ARHGEF3: variants seen among roughly 807,000 people sequenced by gnomAD.
ARHGEF3 encodes Rho guanine nucleotide exchange factor 3.
Under a neutral mutation model 63.2 loss-of-function variants are expected in ARHGEF3, and 28 were observed. The observed-to-expected ratio is 0.44, with a 90% CI of 0.33 to 0.61. The LOEUF is 0.61. Among genes scored for constraint, ARHGEF3 ranks in the 20% least tolerant of loss-of-function variants. The probability of loss-of-function intolerance (pLI) is 0.03; values close to 1 mark genes in which losing one functional copy is unlikely to be tolerated. For synonymous variants in ARHGEF3, 266 were observed against 254.2 expected (o/e 1.05, Z -0.44); for missense variants, 533 against 659.3 (o/e 0.81, Z 2.10).
intron 1 of ARHGEF3, among the ~76,000 whole-genome samples, chr3:56,783,383 C>T (rs963823585): frequency 2.0e-5 from 3 of 152,012 alleles, no homozygotes; most frequent in Non-Finnish European, 2.9e-5. Flanking sequence ...GGATTTCTTC[C>T]GGTACACCCG....
intron 1 of ARHGEF3, among the ~76,000 whole-genome samples, chr3:56,800,913 C>T (rs150769814): frequency 1.3e-5 from 2 of 152,312 alleles, no homozygotes; most frequent in East Asian, 3.9e-4. Context: ...CCAGCTGAAC[C>T]CAACCTTTAA....
At chr3:56,740,375 G>C (rs948452839) in intron 7 of ARHGEF3, among the ~76,000 whole-genome samples, 1 of 151,930 alleles carries the variant, frequency 6.6e-6, no homozygotes, top group Non-Finnish European at 1.5e-5. Flanking sequence ...TCCTGTAAAA[G>C]TAATTTGAGT....
intron 1 of ARHGEF3, among the ~76,000 whole-genome samples, chr3:57,046,060 A>G (rs1377329512): frequency 6.6e-6 from 1 of 152,212 alleles, no homozygotes; most frequent in Non-Finnish European, 1.5e-5. Flanking sequence ...TAGAAGCCCA[A>G]TTCTAAATAA....
chr3:56,967,483 A>ATT (rs1700592355), intron 2 of ARHGEF3, among the ~76,000 whole-genome samples: 7 of 83,638 alleles, frequency 8.4e-5, no homozygotes, highest in South Asian at 3.8e-4. Flanking sequence ...TATATTATAT[A>ATT]ATATATTAAA....
intron 1 of ARHGEF3, chr3:57,073,641 G>A (rs932869756): frequency 2.4e-5 from 37 of 1,556,374 alleles, no homozygotes; most frequent in African/African-American, 6.8e-5. Context: ...GATTGGCTCC[G>A]GCCAAGTGCC....
intron 2 of ARHGEF3, among the ~76,000 whole-genome samples, chr3:56,765,640 C>T (rs1410670471): frequency 3.3e-5 from 5 of 152,112 alleles, no homozygotes; most frequent in Non-Finnish European, 5.9e-5. Flanking sequence ...CCTTCTGAAG[C>T]CTGAAACGCT....
rs185661789 is a variant in ARHGEF3, at chr3:56,843,363, G to A, written c.192+38929C>T. Among the ~76,000 whole-genome samples the A allele has an allele frequency of 6.6e-5, 10 of 152,044 alleles. No homozygotes were observed. The East Asian group carries it at 1.4e-3, about 21-fold the overall frequency. ...CAACCTCTGCATCCTGGGCTCAAACGATCCCCCTGCCTCAGCTCCCAGGTA... is the reference window on the plus strand; with the variant it reads ...CAACCTCTGCATCCTGGGCTCAAACAATCCCCCTGCCTCAGCTCCCAGGTA... On this transcript the variant is annotated intron_variant, in intron 4 of 12. Coordinates refer to the ARHGEF3 transcript ENST00000338458.
rs1481886154 is a variant in ARHGEF3 at position 56,732,313 on chromosome 3, G to T, written c.1153C>A (p.Leu385Met). 3 of 1,614,216 alleles carry T rather than the reference G, an allele frequency of 1.9e-6. No individual in the cohort carries two copies. The Admixed American group carries it at 5.0e-5, about 27-fold the overall frequency. ...TCTCCATCCTGGAGGTCTTCCAGCAGGAGGTCTTTCACGGGGATTGGCTGA... is the reference window on the plus strand; with the variant it reads ...TCTCCATCCTGGAGGTCTTCCAGCATGAGGTCTTTCACGGGGATTGGCTGA... ...YRQPIPVKDL[L>M]LEDLQDGEVR... The change falls in exon 9 of 10, where the codon CTG becomes ATG. Residue 385 changes from leucine (L) to methionine (M), a missense_variant. By Grantham distance (15) the Leu-to-Met change is conservative (BLOSUM62 2). Transcript: ENST00000296315.
intron 2 of ARHGEF3, among the ~76,000 whole-genome samples, chr3:56,772,234 C>T (rs995687193): frequency 2.0e-5 from 3 of 152,090 alleles, no homozygotes; most frequent in African/African-American, 7.2e-5. Context: ...AACAGAGGAA[C>T]GGGCAGGGCA....
In ARHGEF3 at chr3:56,782,004, C is replaced by T. The variant is rs182649299; in HGVS notation, c.97-8188G>A. Among the ~76,000 whole-genome samples the T allele has an allele frequency of 1.6e-3, 251 of 152,226 alleles. 5 individuals carry two copies. The highest frequency in any genetic ancestry group is 3.2e-4 in the Non-Finnish European group (22 of 68,020). ...GGCACATATGCAGCACTGAGGAGGC[C>T]TTCATAGAGCTGCCTGAGCAAAGGA... On this transcript the variant is annotated intron_variant, in intron 1 of 9. Transcript: ENST00000296315.
chr3:56,949,220 A>G (rs1699676721), intron 3 of ARHGEF3, among the ~76,000 whole-genome samples: 1 of 152,038 alleles, frequency 6.6e-6, no homozygotes, highest in Non-Finnish European at 1.5e-5. Context: ...AACTGGCACA[A>G]GACAGGGATG....
intron 3 of ARHGEF3, among the ~76,000 whole-genome samples, chr3:56,955,768 A>C (rs951365709): frequency 3.9e-5 from 6 of 152,218 alleles, no homozygotes; most frequent in Non-Finnish European, 8.8e-5. Flanking sequence ...TCATCCTGAC[A>C]TTCTGCATCC....
chr3:56,918,962 C>A (rs2042055720), intron 3 of ARHGEF3, among the ~76,000 whole-genome samples: 1 of 151,708 alleles, frequency 6.6e-6, no homozygotes, highest in Non-Finnish European at 1.5e-5. Context: ...TTTTTCTATC[C>A]CGATCCCATT....
At chr3:56,781,068 T>G (rs1422753790) in intron 1 of ARHGEF3, among the ~76,000 whole-genome samples, 1 of 152,148 alleles carries the variant, frequency 6.6e-6, no homozygotes, top group Non-Finnish European at 1.5e-5. Flanking sequence ...GAGGGAAATT[T>G]AGAGACACAC....
At chr3:56,881,979 C>T (rs2040779666) in intron 4 of ARHGEF3, among the ~76,000 whole-genome samples, 1 of 152,224 alleles carries the variant, frequency 6.6e-6, no homozygotes, top group Admixed American at 6.5e-5. Flanking sequence ...TCTGTTCCAT[C>T]TTCTGGAACC....
intron 1 of ARHGEF3, among the ~76,000 whole-genome samples, chr3:56,775,984 C>G (rs1330398720): frequency 6.6e-6 from 1 of 152,108 alleles, no homozygotes; most frequent in East Asian, 1.9e-4. Flanking sequence ...CTGAGTCTTT[C>G]TCTTTCTCTC....
chr3:56,859,551 A>C (rs901853612), intron 4 of ARHGEF3, among the ~76,000 whole-genome samples: 11 of 147,302 alleles, frequency 7.5e-5, no homozygotes, highest in African/African-American at 2.8e-4. Flanking sequence ...TTTTTTTGAG[A>C]CAGGGTCTCA....
chr3:56,769,532 A>G (rs1682777295), intron 2 of ARHGEF3, among the ~76,000 whole-genome samples: 1 of 152,242 alleles, frequency 6.6e-6, no homozygotes, highest in African/African-American at 2.4e-5. Context: ...CCCCCAGCCC[A>G]TATGGGCACA....
At chr3:56,884,971 G>A (rs571970727) in intron 3 of ARHGEF3, among the ~76,000 whole-genome samples, 1 of 152,330 alleles carries the variant, frequency 6.6e-6, no homozygotes, top group South Asian at 2.1e-4. Flanking sequence ...CTAATTCCTA[G>A]GGCAAAGCCT....
Sources: gnomAD v4.1 joint callset for allele counts (sites outside exome capture counted in the v4.1 genomes callset) on GRCh38, gnomAD v4.1.1 for gene constraint, MANE v1.5 for transcripts, NCBI Gene and HGNC (gene_info 2026-07-23, HGNC 2026-07-21) for gene names.